Variants in NIN observed in about 807,000 individuals in gnomAD.
NIN encodes ninein, also known as glycogen synthase kinase 3 beta-interacting protein.
NIN carries 137 observed loss-of-function variants against 257.6 expected under a neutral mutation model. The observed-to-expected ratio is 0.53, with a 90% confidence interval of 0.46 to 0.61. The LOEUF (loss-of-function observed/expected upper bound fraction) is 0.61. Ranked by LOEUF, NIN falls within the 20% of genes least tolerant of loss-of-function variation. NIN has a pLI of 0.00. For missense variants in NIN, 2,439 were observed against 2,501.2 expected (o/e 0.98, Z 0.53); for synonymous variants, 918 against 919.8 (o/e 1.00, Z 0.04).
chr14:50,804,566 C>A (rs1291663218), intron 4 of NIN, among the ~76,000 whole-genome samples: 1 of 152,214 alleles, frequency 6.6e-6, no homozygotes, highest in East Asian at 1.9e-4. Flanking sequence ...TCCCGGAAGA[C>A]TTGTCCAAAT....
At chr14:50,813,261 A>C (rs1329576281) in intron 3 of NIN, among the ~76,000 whole-genome samples, 2 of 152,242 alleles carry the variant, frequency 1.3e-5, no homozygotes, top group African/African-American at 4.8e-5. Context: ...ATAAATATAC[A>C]ATACAATTAA....
chr14:50,734,705 G>T (rs1385028190), intron 28 of NIN, among the ~76,000 whole-genome samples: 2 of 151,710 alleles, frequency 1.3e-5, no homozygotes, highest in Non-Finnish European at 2.9e-5. Context: ...TTTGAGACAG[G>T]GTCTCTCACT....
intron 30 of NIN, chr14:50,723,889 T>G (rs532894109): frequency 1.9e-6 from 1 of 531,514 alleles, no homozygotes; most frequent in Non-Finnish European, 3.3e-6. Context: ...GCATGAGATG[T>G]TTATGTCAGT....
At chr14:50,762,484 T>C (rs912237400) in intron 15 of NIN, among the ~76,000 whole-genome samples, 3 of 152,200 alleles carry the variant, frequency 2.0e-5, no homozygotes, top group Non-Finnish European at 4.4e-5. Context: ...TCAGCTATTA[T>C]TGGCTAAAAT....
At chr14:50,761,408 T>C (rs2042270373) in intron 16 of NIN, among the ~76,000 whole-genome samples, 1 of 152,150 alleles carries the variant, frequency 6.6e-6, no homozygotes, top group Admixed American at 6.5e-5. Flanking sequence ...AGTTGAAGTC[T>C]GGACTGGAAA....
At chr14:50,763,213 C>T (rs1270773938) in intron 15 of NIN, among the ~76,000 whole-genome samples, 4 of 151,904 alleles carry the variant, frequency 2.6e-5, no homozygotes, top group Non-Finnish European at 4.4e-5. Flanking sequence ...AACTCAACAC[C>T]CCCGAGAAAA....
At position 50,761,832 on chromosome 14, in the gene NIN, A is replaced by G; in HGVS notation, c.1854T>C (p.His618=). Residue 618 remains histidine (H), a synonymous_variant, in exon 16 of 31, where the codon CAT becomes CAC. Coordinates refer to ENST00000530997, the MANE Select transcript of NIN (RefSeq NM_020921.4). ...ELVIEQMKEQ[H]HRDICCLRLE... is the part of the protein sequence containing the mutation. ...GTCTGAGGCAACATATGTCCCTGTG[A>G]TGTTGTTCTTTCATCTGTTCAATGA... The G allele has an allele frequency of 6.2e-7, 1 of 1,614,172 alleles. No homozygotes were observed. Among genetic ancestry groups the G allele is most frequent in the Non-Finnish European group, 8.5e-7 (1 of 1,180,002 alleles).
Position 50,770,909 on chromosome 14 carries a change from G to C in NIN, c.1202C>G (p.Ala401Gly), listed in dbSNP as rs1202340709. ...DKAEKLKSLM[A>G]SEVDDHHAAI... is the part of the protein sequence containing the mutation. ...CGCATGGTGATCATCCACCTCCGAGGCCATTAAAGACTTGAGCTTCTCGGC... is the reference window on the plus strand; with the variant it reads ...CGCATGGTGATCATCCACCTCCGAGCCCATTAAAGACTTGAGCTTCTCGGC... Residue 401 changes from alanine to glycine, a missense_variant, in exon 11 of 31, where the codon GCC (alanine) becomes GGC (glycine). Coordinates refer to ENST00000530997, the MANE Select transcript of NIN (RefSeq NM_020921.4). 6.2e-7 allele frequency: 1 copy of C among 1,614,168 alleles called. No individual in the cohort carries two copies. The highest frequency in any genetic ancestry group is 1.1e-5 in the South Asian group (1 of 91,080).
intron 28 of NIN, among the ~76,000 whole-genome samples, chr14:50,731,405 C>T (rs901185830): frequency 4.0e-5 from 6 of 151,860 alleles, no homozygotes; most frequent in African/African-American, 1.5e-4. Flanking sequence ...TGGCACGTCG[C>T]CTTTGGTCCC....
At chr14:50,751,417 C>T (rs962220821) in intron 21 of NIN, among the ~76,000 whole-genome samples, 1 of 152,208 alleles carries the variant, frequency 6.6e-6, no homozygotes, top group African/African-American at 2.4e-5. Flanking sequence ...TGTTTCCCCA[C>T]AGCCTTGCCA....
chr14:50,798,488 C>T (rs73297386), intron 4 of NIN, among the ~76,000 whole-genome samples: 4,257 of 152,216 alleles, frequency 0.028, 201 homozygotes, highest in African/African-American at 0.097. Context: ...TGGTCTAAGT[C>T]CTAATGCAAT....
intron 13 of NIN, 58 bp downstream of exon 13, chr14:50,766,722 T>G (rs1212183035): frequency 9.8e-6 from 12 of 1,218,550 alleles, no homozygotes; most frequent in Non-Finnish European, 1.4e-5. Flanking sequence ...TCCTGTTCTT[T>G]TGAGTAAACT....
At chr14:50,800,652 T>G (rs2044058061) in intron 4 of NIN, among the ~76,000 whole-genome samples, 1 of 152,162 alleles carries the variant, frequency 6.6e-6, no homozygotes, top group African/African-American at 2.4e-5. Flanking sequence ...CCTAGAAAGG[T>G]TCTATCATTT....
In NIN at chr14:50,744,316, A is replaced by G. The variant is rs761477240; in HGVS notation, c.5114T>C (p.Val1705Ala). The G allele has an allele frequency of 6.2e-7, 1 of 1,614,142 alleles. No individual in the cohort carries two copies. The highest frequency in any genetic ancestry group is 8.5e-7 in the Non-Finnish European group (1 of 1,179,988). ...CAGCAGTTTTTCGTTGTAGCTTAGA[A>G]CACTAGAGATTTTTTGCTGGAAGTC... ...LSDFQQKISSVLSYNEKLLKE... is the reference protein window; with the variant it reads ...LSDFQQKISSALSYNEKLLKE... Residue 1705 changes from valine to alanine, a missense_variant, in exon 23 of 31, where the codon GTT (valine) becomes GCT (alanine). Val to Ala is a moderately conservative substitution (Grantham distance 64, BLOSUM62 0). Transcript: ENST00000530997.
At chr14:50,795,131 A>T (rs778428034) in intron 4 of NIN, among the ~76,000 whole-genome samples, 4 of 152,242 alleles carry the variant, frequency 2.6e-5, no homozygotes, top group Non-Finnish European at 4.4e-5. Flanking sequence ...AGAGACATCT[A>T]TTAAACTATG....
chr14:50,728,464 C>T (rs750625874), intron 29 of NIN, among the ~76,000 whole-genome samples: 15 of 152,140 alleles, frequency 9.9e-5, no homozygotes, highest in East Asian at 3.9e-4. Flanking sequence ...AGGAGTACTT[C>T]GTAATTAAAC....
At chr14:50,733,724 G>A (rs2140400650) in intron 28 of NIN, among the ~76,000 whole-genome samples, 1 of 152,216 alleles carries the variant, frequency 6.6e-6, no homozygotes, top group South Asian at 2.1e-4. Flanking sequence ...CTAGACATAT[G>A]GGCTTAGTTT....
intron 5 of NIN, chr14:50,792,508 CA>C (rs2043641581): frequency 1.5e-5 from 9 of 585,822 alleles, no homozygotes; most frequent in Non-Finnish European, 1.8e-5. Flanking sequence ...GTCAGCTCTC[CA>C]AAAGCTGAAA....
chr14:50,826,442 C>T (rs2045462229), intron 2 of NIN, among the ~76,000 whole-genome samples: 1 of 152,166 alleles, frequency 6.6e-6, no homozygotes. Flanking sequence ...GACAATTATT[C>T]TGAGCATTTT....
Sources: allele counts gnomAD v4.1 joint callset (sites outside exome capture counted in the v4.1 genomes callset), GRCh38; gene constraint gnomAD v4.1.1; transcripts MANE v1.5; gene names NCBI Gene and HGNC (gene_info 2026-07-23, HGNC 2026-07-21).